PCLO: variants seen among roughly 807,000 people sequenced by gnomAD.
The protein encoded by PCLO is protein piccolo.
In PCLO, 82 loss-of-function variants were observed where a neutral mutation model predicts 427.5. The ratio of observed to expected loss-of-function variants is 0.19; its 90% CI spans 0.16 to 0.23. The LOEUF (loss-of-function observed/expected upper bound fraction) is 0.23, where lower values mean the gene tolerates loss of function less well. Among genes scored for constraint, PCLO ranks in the 10% least tolerant of loss-of-function variants. The pLI is 1.00. For missense variants in PCLO, 6,239 were observed against 6,115.9 expected (o/e 1.02, Z -0.67); for synonymous variants, 2,357 against 2,155.4 (o/e 1.09, Z -2.59).
chr7:82,946,618 G>C (rs563431081), intron 6 of PCLO, among the ~76,000 whole-genome samples: 3 of 152,220 alleles, frequency 2.0e-5, no homozygotes, highest in African/African-American at 4.8e-5. Context: ...TGCCCTGGGT[G>C]GGGGCAAGGT....
At chr7:82,794,156 A>G (rs1198776725) in intron 22 of PCLO, among the ~76,000 whole-genome samples, 1 of 152,022 alleles carries the variant, frequency 6.6e-6, no homozygotes, top group Non-Finnish European at 1.5e-5. Context: ...AGAAACCTTT[A>G]GCATCTTCTC....
intron 3 of PCLO, among the ~76,000 whole-genome samples, chr7:83,033,193 A>G (rs965260637): frequency 1.3e-5 from 2 of 152,074 alleles, no homozygotes; most frequent in African/African-American, 4.8e-5. Flanking sequence ...AAATTACCCA[A>G]TCTCAGGTTG....
chr7:82,799,187 T>C (rs897180439), intron 22 of PCLO, among the ~76,000 whole-genome samples: 1 of 152,244 alleles, frequency 6.6e-6, no homozygotes, highest in Non-Finnish European at 1.5e-5. Context: ...TGCTTCACTA[T>C]ATATCTAAAT....
chr7:82,848,304 G>GCTTTT (rs1554340492), intron 10 of PCLO, among the ~76,000 whole-genome samples: 1 of 83,878 alleles, frequency 1.2e-5, no homozygotes, highest in Non-Finnish European at 2.2e-5. Context: ...CCATTAGTTA[G>GCTTTT]TTTTTTTTTT....
At chr7:83,004,431 T>C (rs1787896052) in intron 3 of PCLO, among the ~76,000 whole-genome samples, 1 of 151,634 alleles carries the variant, frequency 6.6e-6, no homozygotes, top group East Asian at 1.9e-4. Context: ...ACAGGTGGTG[T>C]TGGGGAAACT....
At chr7:83,124,688 G>A (rs973543020) in intron 3 of PCLO, among the ~76,000 whole-genome samples, 7 of 152,096 alleles carry the variant, frequency 4.6e-5, no homozygotes, top group Non-Finnish European at 8.8e-5. Context: ...AAGGGAATAT[G>A]TGTATAAAAG....
At chr7:82,899,032 T>TTA (rs1793973634) in intron 9 of PCLO, among the ~76,000 whole-genome samples, 1 of 151,436 alleles carries the variant, frequency 6.6e-6, no homozygotes, top group African/African-American at 2.4e-5. Context: ...GCTAAGACAG[T>TTA]TGTTATAATA....
chr7:83,136,392 T>A (rs180804439), intron 2 of PCLO, among the ~76,000 whole-genome samples: 1 of 152,158 alleles, frequency 6.6e-6, no homozygotes, highest in African/African-American at 2.4e-5. Flanking sequence ...CATAAATCAG[T>A]TATGAGAGTT....
intron 9 of PCLO, among the ~76,000 whole-genome samples, chr7:82,885,919 T>C (rs959444446): frequency 3.3e-5 from 5 of 152,134 alleles, no homozygotes; most frequent in Non-Finnish European, 7.4e-5. Context: ...AAGAAGTGAC[T>C]TGGCAGTGAG....
At chr7:83,147,612 C>T (rs1792028009) in intron 2 of PCLO, among the ~76,000 whole-genome samples, 1 of 151,772 alleles carries the variant, frequency 6.6e-6, no homozygotes, top group African/African-American at 2.4e-5. Flanking sequence ...ATGAAAAATC[C>T]CTGACATTTC....
intron 3 of PCLO, among the ~76,000 whole-genome samples, chr7:83,125,608 CAT>C (rs1791418463): frequency 6.6e-6 from 1 of 152,214 alleles, no homozygotes; most frequent in Admixed American, 6.5e-5. Flanking sequence ...CTCTCTGAAA[CAT>C]GTGCTGTGTC....
At chr7:82,805,495 T>G in intron 21 of PCLO, among the ~76,000 whole-genome samples, 193 bp downstream of exon 21, 1 of 152,144 alleles carries the variant, frequency 6.6e-6, no homozygotes, top group East Asian at 1.9e-4. Flanking sequence ...TGACTAACAT[T>G]TATCCTTAGA....
chr7:82,986,596 G>T (rs927306677), intron 3 of PCLO, among the ~76,000 whole-genome samples: 1 of 151,518 alleles, frequency 6.6e-6, no homozygotes, highest in Admixed American at 6.6e-5. Flanking sequence ...TCTAATTCTG[G>T]CATTGTTCAT....
intron 20 of PCLO, 65 bp downstream of exon 20, chr7:82,822,430 C>T (rs200171508): frequency 1.2e-6 from 2 of 1,611,220 alleles, no homozygotes; most frequent in African/African-American, 1.3e-5. Flanking sequence ...GAAAGGACAG[C>T]AGGAAAGAAA....
intron 3 of PCLO, among the ~76,000 whole-genome samples, chr7:83,079,016 C>T (rs2116389148): frequency 6.6e-6 from 1 of 152,054 alleles, no homozygotes; most frequent in Admixed American, 6.5e-5. Flanking sequence ...TCTTTAAATC[C>T]AAGCAAGATA....
At chr7:83,113,554 T>C (rs1791058157) in intron 3 of PCLO, among the ~76,000 whole-genome samples, 1 of 152,182 alleles carries the variant, frequency 6.6e-6, no homozygotes, top group Non-Finnish European at 1.5e-5. Context: ...GCTAACCAGA[T>C]ATGAAGTTGA....
chr7:82,797,001 G>C (rs1278408951), intron 22 of PCLO, among the ~76,000 whole-genome samples: 1 of 151,864 alleles, frequency 6.6e-6, no homozygotes, highest in Non-Finnish European at 1.5e-5. Flanking sequence ...CATATTTGTG[G>C]AGTGAATTAT....
chr7:82,960,923 A>G (rs1795642740), intron 4 of PCLO, among the ~76,000 whole-genome samples: 1 of 152,166 alleles, frequency 6.6e-6, no homozygotes, highest in Non-Finnish European at 1.5e-5. Context: ...GTGTCATAGG[A>G]AAAAACATCT....
chr7:83,082,126 C>A (rs1029001981), intron 3 of PCLO, among the ~76,000 whole-genome samples: 3 of 151,514 alleles, frequency 2.0e-5, no homozygotes, highest in African/African-American at 7.3e-5. Context: ...TACACACACA[C>A]ACACACACGC....
Sources: gnomAD v4.1 joint callset for allele counts (sites outside exome capture counted in the v4.1 genomes callset) on GRCh38, gnomAD v4.1.1 for gene constraint, MANE v1.5 for transcripts, NCBI Gene and HGNC (gene_info 2026-07-23, HGNC 2026-07-21) for gene names.